Variants in PLXDC1 observed in about 807,000 individuals in gnomAD.
The protein encoded by PLXDC1 is plexin domain-containing protein 1.
In PLXDC1, 39 loss-of-function variants were observed where a neutral mutation model predicts 61.3. That is an observed-to-expected ratio of 0.64 (90% CI 0.49 to 0.83). The LOEUF (loss-of-function observed/expected upper bound fraction) is 0.83. PLXDC1 is among the 40% of genes least tolerant of loss of function. PLXDC1 has a pLI of 0.00. For missense variants in PLXDC1, 596 were observed against 666.5 expected, an observed-to-expected ratio of 0.89 and a Z score of 1.17; for synonymous variants, 212 against 254.5, an observed-to-expected ratio of 0.83 and a Z score of 1.59.
At chr17:39,130,707 C>T (rs1911530770) in intron 2 of PLXDC1, among the ~76,000 whole-genome samples, 1 of 151,954 alleles carries the variant, frequency 6.6e-6, no homozygotes, top group Non-Finnish European at 1.5e-5. Flanking sequence ...GGATTACAAG[C>T]ATGCCACCAC....
At chr17:39,086,731 G>C (rs189531794) in intron 8 of PLXDC1, among the ~76,000 whole-genome samples, 1 of 151,878 alleles carries the variant, frequency 6.6e-6, no homozygotes, top group South Asian at 2.1e-4. Context: ...GCATGGTGGC[G>C]GGTGCCTGTA....
In PLXDC1 at chr17:39,126,391, A is replaced by G. The variant is rs139479034; in HGVS notation, c.255+13263T>C. ...AGCAACGTATAATGAAACCAATTTTACCATAAAGTAATTGATATAAGCAAG... is the reference window on the plus strand; with the variant it reads ...AGCAACGTATAATGAAACCAATTTTGCCATAAAGTAATTGATATAAGCAAG... On this transcript the variant is annotated intron_variant, in intron 2 of 13. Transcript: ENST00000315392. 2.5e-3 allele frequency among the ~76,000 whole-genome samples: 380 copies of G among 152,326 alleles called. 9 individuals are homozygous for G. The East Asian group carries it at 0.04, about 16-fold the overall frequency.
intron 6 of PLXDC1, among the ~76,000 whole-genome samples, chr17:39,106,547 C>A (rs67229461): frequency 0.11 from 16,018 of 151,656 alleles, 966 homozygotes; most frequent in Middle Eastern, 0.21. Flanking sequence ...TCTTGAACTT[C>A]TGGGTTAAAG....
At chr17:39,070,198 T>C in intron 12 of PLXDC1, 182 bp from the exon 13 acceptor site, 1 of 504,010 alleles carries the variant, frequency 2.0e-6, no homozygotes, top group Non-Finnish European at 3.5e-6. Flanking sequence ...ATTCATGTTC[T>C]TGACACCATC....
intron 3 of PLXDC1, 37 bp downstream of exon 3, chr17:39,109,211 A>T (rs769564916): frequency 6.3e-7 from 1 of 1,586,608 alleles, no homozygotes; most frequent in South Asian, 1.1e-5. Flanking sequence ...CCGGCCTCCC[A>T]GCACAGGGAA....
chr17:39,150,458 T>C (rs1196297917), intron 1 of PLXDC1, among the ~76,000 whole-genome samples: 1 of 152,070 alleles, frequency 6.6e-6, no homozygotes, highest in East Asian at 1.9e-4. Context: ...CAGGTATCTA[T>C]CTTCTTAATC....
intron 2 of PLXDC1, among the ~76,000 whole-genome samples, chr17:39,122,336 A>C (rs1030319818): frequency 7.8e-6 from 1 of 128,326 alleles, no homozygotes; most frequent in Non-Finnish European, 1.6e-5. Flanking sequence ...GCCAAATCGC[A>C]CCACTGCACT....
At chr17:39,089,344 C>G (rs549105236) in intron 7 of PLXDC1, among the ~76,000 whole-genome samples, 32 of 152,266 alleles carry the variant, frequency 2.1e-4, no homozygotes, top group African/African-American at 7.7e-4. Context: ...AACCAAGAGG[C>G]CTTTTGCTGT....
intron 7 of PLXDC1, among the ~76,000 whole-genome samples, chr17:39,095,756 C>T (rs560203867): frequency 6.6e-6 from 1 of 152,206 alleles, no homozygotes; most frequent in East Asian, 1.9e-4. Flanking sequence ...CCTCCACCTC[C>T]CGGGTTCAAG....
chr17:39,132,289 G>A (rs1449528189), intron 2 of PLXDC1, among the ~76,000 whole-genome samples: 1 of 151,964 alleles, frequency 6.6e-6, no homozygotes, highest in Non-Finnish European at 1.5e-5. Context: ...CACATCCCAG[G>A]GTCTCTGACT....
intron 12 of PLXDC1, chr17:39,070,335 G>A (rs1223092669): frequency 1.4e-5 from 3 of 210,292 alleles, no homozygotes; most frequent in East Asian, 1.0e-4. Context: ...GCATCGGAGG[G>A]TTAAGAGTTT....
upstream of PLXDC1, chr17:39,152,731 A>G: frequency 1.6e-6 from 2 of 1,213,946 alleles, no homozygotes; most frequent in Non-Finnish European, 2.1e-6. Context: ...GAGAAGGTAC[A>G]CTGTGGGCTG....
chr17:39,083,598 G>T, intron 8 of PLXDC1, 58 bp from the exon 9 acceptor site: 1 of 1,287,982 alleles, frequency 7.8e-7, no homozygotes, highest in Non-Finnish European at 1.1e-6. Context: ...GCTCCAAAGG[G>T]TGCAACTCTG....
At chr17:39,147,166 C>A (rs900091430) in intron 1 of PLXDC1, among the ~76,000 whole-genome samples, 93 of 152,218 alleles carry the variant, frequency 6.1e-4, no homozygotes, top group African/African-American at 2.2e-3. Context: ...CCATATTGGG[C>A]AGGCTGGTCT....
chr17:39,125,266 C>T lies in PLXDC1; in HGVS notation c.255+14388G>A, dbSNP rs1351810679. The stretch of plus-strand genomic sequence containing the variant: ...GCAGGAAGTATGTCCCCTGGTATAA[C>T]CCTGCAAGGGGAGATCCAGGCTGGA... On this transcript the variant is annotated intron_variant, in intron 2 of 13. Coordinates refer to ENST00000315392, the MANE Select transcript of PLXDC1 (RefSeq NM_020405.5). Among the ~76,000 whole-genome samples the T allele has an allele frequency of 3.3e-5, 5 of 152,326 alleles. No individual in the cohort carries two copies. The East Asian group carries it at 5.8e-4, about 18-fold the overall frequency.
intron 11 of PLXDC1, among the ~76,000 whole-genome samples, chr17:39,075,817 C>G (rs1909305102): frequency 6.6e-6 from 1 of 152,208 alleles, no homozygotes; most frequent in Non-Finnish European, 1.5e-5. Flanking sequence ...GTGGCTCACG[C>G]CTGTAATCCT....
chr17:39,082,198 A>G (rs1397682496), intron 9 of PLXDC1, among the ~76,000 whole-genome samples: 1 of 152,176 alleles, frequency 6.6e-6, no homozygotes, highest in Non-Finnish European at 1.5e-5. Context: ...GCAGCAGGAT[A>G]TTGGAAAGGA....
rs748045728 is a variant in PLXDC1 at position 39,063,565 on chromosome 17, G to T, written c.*4275C>A. On this transcript the variant is annotated 3_prime_UTR_variant, in exon 14 of 14. Transcript: ENST00000315392. ...AACCAAGGTATGTGTGGTGATCTTC[G>T]GAATGCCACTCCAAATCCTTTGCAC... The T allele has an allele frequency of 1.4e-6, 1 of 693,552 alleles. No homozygotes were observed. Among genetic ancestry groups the T allele is most frequent in the African/African-American group, 1.8e-5 (1 of 56,776 alleles). 43.0% of individuals were successfully genotyped at this position (693,552 alleles called of 1,614,324 possible).
intron 5 of PLXDC1, 128 bp from the exon 6 acceptor site, chr17:39,107,653 G>T (rs1422117935): frequency 1.3e-6 from 1 of 749,688 alleles, no homozygotes; most frequent in Admixed American, 1.9e-5. Flanking sequence ...GTTTGCAAAG[G>T]TAAGGAGGCA....
Sources: gnomAD v4.1 joint callset for allele counts (sites outside exome capture counted in the v4.1 genomes callset) on GRCh38, gnomAD v4.1.1 for gene constraint, MANE v1.5 for transcripts, NCBI Gene and HGNC (gene_info 2026-07-23, HGNC 2026-07-21) for gene names.